SSUH2: variants seen among roughly 807,000 people sequenced by gnomAD.
SSUH2 encodes the protein protein SSUH2 homolog.
Under a neutral mutation model 55.3 loss-of-function variants are expected in SSUH2, and 47 were observed. The observed-to-expected ratio is 0.85, with a 90% confidence interval of 0.67 to 1.08. The LOEUF is 1.08. Ranked by LOEUF, SSUH2 falls within the 50% of genes least tolerant of loss-of-function variation. SSUH2 has a pLI of 0.00. For missense variants in SSUH2, 535 were observed against 490.7 expected (o/e 1.09, Z -0.85); for synonymous variants, 212 against 191.5 (o/e 1.11, Z -0.89).
intron 1 of SSUH2, among the ~76,000 whole-genome samples, chr3:8,643,653 C>A (rs1345132310): frequency 1.3e-5 from 2 of 152,126 alleles, no homozygotes; most frequent in African/African-American, 4.8e-5. Context: ...AAGATATCAA[C>A]ATTAAAGACA....
At chr3:8,669,999 G>T (rs559737964) in intron 5 of SSUH2, among the ~76,000 whole-genome samples, 1 of 152,254 alleles carries the variant, frequency 6.6e-6, no homozygotes, top group South Asian at 2.1e-4. Flanking sequence ...TTAATTTCTT[G>T]TTTTTGATCC....
At position 8,678,516 on chromosome 3, in the gene SSUH2, G is replaced by C. The variant is rs1393946848; in HGVS notation, c.-900-1163C>G. ...GGGTGAGGCACCCCCCGCGAGGCGG[G>C]GACTGAGAGCCAGCCCCTCTTCCCT... On this transcript the variant is annotated intron_variant, in intron 2 of 18. Coordinates refer to the SSUH2 transcript ENST00000317371. 3.0e-5 allele frequency among the ~76,000 whole-genome samples: 4 copies of C among 135,396 alleles called. 1 individual carries two copies. In the East Asian group the frequency reaches 8.2e-4, roughly 28 times the overall value. 88.8% of individuals were successfully genotyped at this position (135,396 alleles called of 152,430 possible). A position where few individuals can be genotyped will look rare whatever the true frequency, so the allele number is the denominator to read the frequency against.
At chr3:8,634,034 G>T in intron 3 of SSUH2, 1 of 1,337,486 alleles carries the variant, frequency 7.5e-7, no homozygotes, top group Non-Finnish European at 1.0e-6. Flanking sequence ...GAAATGTGGA[G>T]CTTAGGAGAA....
chr3:8,678,908 C>T lies in SSUH2; in HGVS notation c.-901+797G>A, dbSNP rs1443140700. On this transcript the variant is annotated intron_variant, in intron 2 of 18. Transcript: ENST00000317371. The stretch of plus-strand genomic sequence containing the variant: ...CATTGCAAGGGAGGGAGGCACCCCC[C>T]GCCAGGCGGGGACTGAGAGCCAGCC... Among the ~76,000 whole-genome samples the T allele has an allele frequency of 2.6e-5, 3 of 114,568 alleles. 1 individual carries two copies. The highest frequency in any genetic ancestry group is 4.0e-5 in the Non-Finnish European group (2 of 49,800). The allele number at this position is 114,568 out of a possible 152,430, so 75.2% of individuals were successfully genotyped here.
At chr3:8,663,441 C>G (rs906025244) in intron 6 of SSUH2, among the ~76,000 whole-genome samples, 2 of 152,250 alleles carry the variant, frequency 1.3e-5, no homozygotes, top group African/African-American at 4.8e-5. Context: ...TGTCTCTCGT[C>G]CTTTGTTCCC....
chr3:8,674,832 G>A (rs912210266), intron 3 of SSUH2, among the ~76,000 whole-genome samples: 1 of 151,420 alleles, frequency 6.6e-6, no homozygotes, highest in South Asian at 2.1e-4. Flanking sequence ...GCTGGGCCAA[G>A]AGAGAAGACA....
chr3:8,678,863 A>C (rs1333007560), intron 2 of SSUH2, among the ~76,000 whole-genome samples: 1 of 81,340 alleles, frequency 1.2e-5, no homozygotes, highest in Non-Finnish European at 2.6e-5. Context: ...CTCTTCCCCC[A>C]GCCTGGCTCT....
Position 8,678,529 on chromosome 3 carries a change from G to C in SSUH2, c.-901+1176C>G, listed in dbSNP as rs370182047. ...CCCGCGAGGCGGGGACTGAGAGCCAGCCCCTCTTCCCTCCATGGCTCTTAG... is the reference window on the plus strand; with the variant it reads ...CCCGCGAGGCGGGGACTGAGAGCCACCCCCTCTTCCCTCCATGGCTCTTAG... On this transcript the variant is annotated intron_variant, in intron 2 of 18. Transcript: ENST00000317371. Among the ~76,000 whole-genome samples the C allele has an allele frequency of 2.3e-3, 286 of 126,874 alleles. 31 individuals are homozygous for C. Among genetic ancestry groups the C allele is most frequent in the African/African-American group, 7.1e-3 (258 of 36,210 alleles). The allele number at this position is 126,874 out of a possible 152,430, so 83.2% of individuals were successfully genotyped here. A position where few individuals can be genotyped will look rare whatever the true frequency, so the allele number is the denominator to read the frequency against.
intron 6 of SSUH2, chr3:8,659,494 G>C (rs551362760): frequency 8.7e-6 from 2 of 230,616 alleles, no homozygotes; most frequent in South Asian, 5.7e-5. Context: ...TCTGACCTCT[G>C]GTCATGCACA....
intron 8 of SSUH2, 146 bp from the exon 9 acceptor site, chr3:8,626,467 T>A: frequency 1.6e-6 from 1 of 622,182 alleles, no homozygotes; most frequent in Non-Finnish European, 2.9e-6. Context: ...GTCCTCCTTC[T>A]GCTGGCAGTG....
chr3:8,650,892 T>C (rs1339482985), intron 7 of SSUH2, among the ~76,000 whole-genome samples: 1 of 152,224 alleles, frequency 6.6e-6, no homozygotes, highest in Non-Finnish European at 1.5e-5. Context: ...TTTCTGTGGT[T>C]CCGGCTGCTG....
In SSUH2 at chr3:8,626,291, CTT is replaced by C. The variant is rs1697508592; in HGVS notation, c.703_704del (p.Lys235AspfsTer27). On this transcript the variant is annotated frameshift_variant, in exon 9 of 12. Transcript: ENST00000544814. LOFTEE classifies it high-confidence loss of function. ...TCTCCCCCTTGCAGGTGGCGCAGGT[CTT>C]GTTCCCTCTCCCTGAGCAAGTGCTG... is the stretch of plus-strand genomic sequence containing the variant. The part of the protein sequence containing the change: ...RCSTCSGRGN[K>X]TCATCKGEKK... 2 of 1,614,146 alleles carry C rather than the reference CTT, an allele frequency of 1.2e-6. No homozygotes were observed. Among genetic ancestry groups the C allele is most frequent in the East Asian group, 4.5e-5 (2 of 44,878 alleles).
At chr3:8,656,859 T>TTTGG (rs1452219380) in intron 7 of SSUH2, among the ~76,000 whole-genome samples, 6 of 125,426 alleles carry the variant, frequency 4.8e-5, no homozygotes, top group East Asian at 5.2e-4. Context: ...TGCTTCATTT[T>TTTGG]TTGGTTTGTT....
At chr3:8,671,638 T>A (rs1372942228) in intron 4 of SSUH2, among the ~76,000 whole-genome samples, 1 of 152,092 alleles carries the variant, frequency 6.6e-6, no homozygotes, top group South Asian at 2.1e-4. Context: ...TGTGACAACA[T>A]GAATAACATT....
chr3:8,628,301 C>A (rs1698018070), intron 7 of SSUH2, among the ~76,000 whole-genome samples: 1 of 152,150 alleles, frequency 6.6e-6, no homozygotes, highest in Non-Finnish European at 1.5e-5. Context: ...GAAGACAGTT[C>A]ACGGTAGCCA....
intron 2 of SSUH2, among the ~76,000 whole-genome samples, chr3:8,678,335 G>C (rs1038294437): frequency 4.6e-5 from 7 of 152,030 alleles, no homozygotes; most frequent in African/African-American, 9.7e-5. Flanking sequence ...CTCTATTATG[G>C]GGAGTCATAT....
intron 6 of SSUH2, chr3:8,659,664 A>C: frequency 2.4e-6 from 1 of 416,962 alleles, no homozygotes; most frequent in Non-Finnish European, 4.8e-6. Flanking sequence ...CCTGACCCAA[A>C]CCCTCAATGG....
At chr3:8,640,466 G>A (rs768364713) in intron 1 of SSUH2, among the ~76,000 whole-genome samples, 7 of 152,138 alleles carry the variant, frequency 4.6e-5, no homozygotes, top group Non-Finnish European at 8.8e-5. Context: ...GGCAGGTAAG[G>A]TCCCTACATT....
chr3:8,633,038 A>C (rs575874980), intron 4 of SSUH2, among the ~76,000 whole-genome samples: 43 of 151,706 alleles, frequency 2.8e-4, no homozygotes, highest in South Asian at 8.4e-4. Context: ...AGTGACAGTG[A>C]TGCTACCGTA....
Sources: gnomAD v4.1 joint callset for allele counts (sites outside exome capture counted in the v4.1 genomes callset) on GRCh38, gnomAD v4.1.1 for gene constraint, MANE v1.5 for transcripts, NCBI Gene and HGNC (gene_info 2026-07-23, HGNC 2026-07-21) for gene names.